Variants in PDE4D observed in about 807,000 individuals in gnomAD.
The protein encoded by PDE4D is 3',5'-cyclic-AMP phosphodiesterase 4D.
A neutral mutation model predicts 87.4 loss-of-function variants in PDE4D; 24 were observed. The ratio of observed to expected loss-of-function variants is 0.27; its 90% CI spans 0.20 to 0.39. PDE4D has a LOEUF of 0.39. Among genes scored for constraint, PDE4D ranks in the 10% least tolerant of loss-of-function variants. The probability of loss-of-function intolerance (pLI) is 1.00; values close to 1 mark genes in which losing one functional copy is unlikely to be tolerated. For missense variants in PDE4D, 714 were observed against 1,041.0 expected (o/e 0.69, Z 4.32); for synonymous variants, 384 against 383.2 (o/e 1.00, Z -0.02).
intron 5 of PDE4D, among the ~76,000 whole-genome samples, chr5:59,150,822 GA>G (rs1244669423): frequency 1.3e-5 from 2 of 151,686 alleles, no homozygotes; most frequent in East Asian, 1.9e-4. Flanking sequence ...GGTGTCAAGA[GA>G]AAAAAAAATT....
At chr5:60,046,747 T>G (rs1769311566) in intron 2 of PDE4D, among the ~76,000 whole-genome samples, 1 of 152,212 alleles carries the variant, frequency 6.6e-6, no homozygotes, top group Non-Finnish European at 1.5e-5. Flanking sequence ...AGCTTTTTGA[T>G]GTGCTGCTGG....
In PDE4D at chr5:59,563,972, C is replaced by T. The variant is rs1338736936; in HGVS notation, c.455+329196G>A. ...GACAAACTTGAGAAGTGGATTCTCA[C>T]ATTGAGTGTGAACAAGCAGGGGCAG... On this transcript the variant is annotated intron_variant, in intron 1 of 14. Transcript: ENST00000340635. 2.6e-5 allele frequency among the ~76,000 whole-genome samples: 4 copies of T among 152,084 alleles called. No individual in the cohort carries two copies. The East Asian group carries it at 5.8e-4, about 22-fold the overall frequency.
intron 3 of PDE4D, among the ~76,000 whole-genome samples, chr5:59,903,504 A>C (rs1752504521): frequency 6.6e-6 from 1 of 152,194 alleles, no homozygotes; most frequent in South Asian, 2.1e-4. Context: ...CAGGATACCT[A>C]TTAGCTTGTT....
At chr5:59,911,011 C>T (rs1246947356) in intron 3 of PDE4D, among the ~76,000 whole-genome samples, 1 of 152,214 alleles carries the variant, frequency 6.6e-6, no homozygotes, top group Non-Finnish European at 1.5e-5. Context: ...TTGCTTTTAA[C>T]CTCCAAGCTG....
chr5:60,247,625 C>A (rs1019140455), intron 1 of PDE4D, among the ~76,000 whole-genome samples: 1 of 151,966 alleles, frequency 6.6e-6, no homozygotes, highest in South Asian at 2.1e-4. Flanking sequence ...CTGAACTTTA[C>A]ATGGATCCAA....
At position 59,688,304 on chromosome 5, in the gene PDE4D, A is replaced by G. The variant is rs145923611; in HGVS notation, c.455+204864T>C. On this transcript the variant is annotated intron_variant, in intron 1 of 14. Transcript: ENST00000340635. ...TCACATTGCACTTATTCCAAAATTG[A>G]CCATATAGTTGGAAGTAAAGCACTC... Among the ~76,000 whole-genome samples, 564 of 152,334 alleles carry G rather than the reference A, an allele frequency of 3.7e-3. 3 individuals are homozygous for G. Among genetic ancestry groups the G allele is most frequent in the African/African-American group, 0.013 (522 of 41,568 alleles).
At chr5:59,578,809 T>A (rs567832152) in intron 1 of PDE4D, among the ~76,000 whole-genome samples, 11 of 152,168 alleles carry the variant, frequency 7.2e-5, no homozygotes, top group African/African-American at 2.6e-4. Flanking sequence ...CCTCCCCCTA[T>A]CCCAGAGGGT....
chr5:59,636,297 C>T (rs766567380), intron 1 of PDE4D, among the ~76,000 whole-genome samples: 26 of 152,078 alleles, frequency 1.7e-4, no homozygotes, highest in Non-Finnish European at 2.8e-4. Context: ...GTGAAAATGG[C>T]CACACTGTCC....
intron 1 of PDE4D, among the ~76,000 whole-genome samples, chr5:59,651,539 G>A (rs948090614): frequency 9.9e-5 from 15 of 151,874 alleles, no homozygotes; most frequent in African/African-American, 3.6e-4. Flanking sequence ...GTCACATGGA[G>A]TACTTGGGTC....
chr5:59,384,562 T>A (rs1338537185), intron 1 of PDE4D, among the ~76,000 whole-genome samples: 2 of 151,294 alleles, frequency 1.3e-5, no homozygotes, highest in Non-Finnish European at 2.9e-5. Flanking sequence ...TGTTACAAGA[T>A]TTAGAGGTTG....
intron 2 of PDE4D, among the ~76,000 whole-genome samples, chr5:60,180,675 A>C (rs1784309448): frequency 6.6e-6 from 1 of 152,168 alleles, no homozygotes. Flanking sequence ...TATTTGTAGA[A>C]CTTTGTAAAG....
chr5:59,217,269 GAATA>G (rs1214792600), intron 1 of PDE4D: 9 of 455,730 alleles, frequency 2.0e-5, no homozygotes, highest in Non-Finnish European at 3.5e-5. Flanking sequence ...CTTGTTGAAA[GAATA>G]AATAAACATG....
At chr5:59,616,947 C>T (rs1169622830) in intron 1 of PDE4D, among the ~76,000 whole-genome samples, 1 of 20,838 alleles carries the variant, frequency 4.8e-5, no homozygotes, top group Non-Finnish European at 1.2e-4. Flanking sequence ...ATATATATAT[C>T]TCCAAGATTT....
At chr5:59,174,510 G>A (rs961064896) in intron 5 of PDE4D, 2 of 152,604 alleles carry the variant, frequency 1.3e-5, no homozygotes, top group African/African-American at 2.4e-5. Flanking sequence ...TCAAAATCCA[G>A]AAGTCTTTTG....
rs80251561 is a variant in PDE4D at position 59,801,800 on chromosome 5, C to T, written c.455+91368G>A. On this transcript the variant is annotated intron_variant, in intron 1 of 14. Transcript: ENST00000340635. The stretch of plus-strand genomic sequence containing the variant: ...AATAATTAATGACAAGAACAACAAA[C>T]ACTTACCCACCAGATCCTTATGGTA... 2.7e-3 allele frequency among the ~76,000 whole-genome samples: 412 copies of T among 152,296 alleles called. 4 individuals carry two copies. The highest frequency in any genetic ancestry group is 9.5e-3 in the African/African-American group (395 of 41,556).
intron 1 of PDE4D, among the ~76,000 whole-genome samples, chr5:60,438,712 G>A (rs1487173866): frequency 6.6e-6 from 1 of 152,066 alleles, no homozygotes; most frequent in Non-Finnish European, 1.5e-5. Context: ...TGTAGAGGTT[G>A]AAGAATGGTT....
chr5:59,298,432 A>G (rs192872462), intron 1 of PDE4D, among the ~76,000 whole-genome samples: 5 of 152,156 alleles, frequency 3.3e-5, no homozygotes, highest in Non-Finnish European at 7.4e-5. Context: ...TAACTTTTAA[A>G]GTTTCCTCTC....
chr5:59,142,639 T>A (rs1273498326), intron 5 of PDE4D, among the ~76,000 whole-genome samples: 2 of 152,230 alleles, frequency 1.3e-5, no homozygotes, highest in Non-Finnish European at 2.9e-5. Context: ...TCATAATGGT[T>A]ATAAAGAATG....
chr5:59,059,013 GGACA>G (rs1319758607), intron 5 of PDE4D, among the ~76,000 whole-genome samples: 1 of 152,060 alleles, frequency 6.6e-6, no homozygotes. Flanking sequence ...TGGAATAAAT[GGACA>G]GACAGAAATT....
Sources: allele counts gnomAD v4.1 joint callset (sites outside exome capture counted in the v4.1 genomes callset), GRCh38; gene constraint gnomAD v4.1.1; transcripts MANE v1.5; gene names NCBI Gene and HGNC (gene_info 2026-07-23, HGNC 2026-07-21).